DAB1: variants seen among roughly 807,000 people sequenced by gnomAD.
DAB1 encodes disabled homolog 1.
In DAB1, 15 loss-of-function variants were observed where a neutral mutation model predicts 64.6. The ratio of observed to expected loss-of-function variants is 0.23; its 90% CI spans 0.16 to 0.36. DAB1 has a LOEUF of 0.36. DAB1 is among the 10% of genes least tolerant of loss of function. DAB1 has a pLI of 1.00. For synonymous variants in DAB1, 235 were observed against 251.9 expected (o/e 0.93, Z 0.64); for missense variants, 596 against 706.7 (o/e 0.84, Z 1.78).
intron 2 of DAB1, among the ~76,000 whole-genome samples, chr1:57,186,838 C>A (rs1663614924): frequency 6.6e-6 from 1 of 152,138 alleles, no homozygotes; most frequent in African/African-American, 2.4e-5. Context: ...TATTCTGTGT[C>A]AATTTCTTAA....
At chr1:58,018,678 T>C (rs12024205) in intron 5 of DAB1, among the ~76,000 whole-genome samples, 10,680 of 152,250 alleles carry the variant, frequency 0.07, 597 homozygotes, top group East Asian at 0.2. Context: ...TAAATTCTTA[T>C]TAACCACTTT....
intron 4 of DAB1, among the ~76,000 whole-genome samples, chr1:57,084,902 A>G (rs935490829): frequency 2.0e-5 from 3 of 152,164 alleles, no homozygotes; most frequent in Non-Finnish European, 4.4e-5. Context: ...TCTGAGTACA[A>G]GGATCAATTG....
At chr1:57,660,195 T>G (rs1458229718) in intron 6 of DAB1, among the ~76,000 whole-genome samples, 2 of 151,732 alleles carry the variant, frequency 1.3e-5, no homozygotes, top group African/African-American at 2.4e-5. Flanking sequence ...AAAAGGAGAC[T>G]GAGTTTGCAT....
chr1:57,354,873 A>C (rs547961836), intron 1 of DAB1, among the ~76,000 whole-genome samples: 8 of 152,126 alleles, frequency 5.3e-5, no homozygotes, highest in Non-Finnish European at 8.8e-5. Flanking sequence ...ATATCCCATC[A>C]GGACTTCCAG....
At chr1:57,053,688 A>ATATATATATATATATTTT (rs1447741565) in intron 9 of DAB1, among the ~76,000 whole-genome samples, 2 of 71,422 alleles carry the variant, frequency 2.8e-5, no homozygotes, top group Admixed American at 2.3e-4. Flanking sequence ...ATATATATAT[A>ATATATATATATATATTTT]TTTTTTTTTT....
chr1:58,007,383 T>A (rs550674846), intron 5 of DAB1, among the ~76,000 whole-genome samples: 1 of 152,318 alleles, frequency 6.6e-6, no homozygotes, highest in East Asian at 1.9e-4. Context: ...ACATATAACA[T>A]CCTGCTAATT....
intron 7 of DAB1, among the ~76,000 whole-genome samples, chr1:57,483,145 T>C (rs555600768): frequency 6.6e-6 from 1 of 152,346 alleles, no homozygotes; most frequent in African/African-American, 2.4e-5. Flanking sequence ...TGTGCATTTC[T>C]TTTTTATATC....
chr1:58,130,652 G>A (rs1164770976), intron 5 of DAB1, among the ~76,000 whole-genome samples: 1 of 151,808 alleles, frequency 6.6e-6, no homozygotes, highest in African/African-American at 2.4e-5. Context: ...AGGCAGGCCT[G>A]GTGGTGACAA....
intron 3 of DAB1, among the ~76,000 whole-genome samples, chr1:58,400,256 G>C (rs1377732742): frequency 1.3e-5 from 2 of 151,520 alleles, no homozygotes; most frequent in African/African-American, 4.8e-5. Context: ...TAATACTCCT[G>C]AGTTTACATC....
intron 5 of DAB1, among the ~76,000 whole-genome samples, chr1:58,128,218 G>C (rs567222889): frequency 6.6e-6 from 1 of 151,370 alleles, no homozygotes; most frequent in African/African-American, 2.4e-5. Flanking sequence ...TCTCTTTGAC[G>C]CAATTGTGAA....
chr1:57,077,975 T>C (rs959164627), intron 4 of DAB1, among the ~76,000 whole-genome samples: 3 of 152,002 alleles, frequency 2.0e-5, no homozygotes, highest in Admixed American at 2.0e-4. Context: ...AATAGATACA[T>C]GAAAAAACAC....
At chr1:58,430,031 T>G (rs763229899) in intron 3 of DAB1, among the ~76,000 whole-genome samples, 1 of 152,192 alleles carries the variant, frequency 6.6e-6, no homozygotes, top group Non-Finnish European at 1.5e-5. Context: ...TGGCCTCTTA[T>G]ATAAGGGCAC....
At chr1:57,119,773 G>A (rs1363495316) in intron 4 of DAB1, among the ~76,000 whole-genome samples, 1 of 152,078 alleles carries the variant, frequency 6.6e-6, no homozygotes, top group African/African-American at 2.4e-5. Context: ...CATGTGGGCG[G>A]TTCCCTACAG....
At chr1:57,855,094 G>T (rs1435438445) in intron 1 of DAB1, among the ~76,000 whole-genome samples, 1 of 152,094 alleles carries the variant, frequency 6.6e-6, no homozygotes, top group South Asian at 2.1e-4. Context: ...CAGGAGACTG[G>T]ATTTTGATTG....
At chr1:57,079,065 GA>G (rs1557681110) in intron 4 of DAB1, among the ~76,000 whole-genome samples, 1 of 151,954 alleles carries the variant, frequency 6.6e-6, no homozygotes, top group Non-Finnish European at 1.5e-5. Flanking sequence ...CCTGTTGAGT[GA>G]AAAAAGCATA....
At chr1:57,383,594 C>T (rs950317163) in intron 1 of DAB1, among the ~76,000 whole-genome samples, 1 of 152,098 alleles carries the variant, frequency 6.6e-6, no homozygotes, top group Non-Finnish European at 1.5e-5. Flanking sequence ...AACAGAAAGC[C>T]AAGAAATAAA....
At chr1:57,355,511 G>A (rs2100875664) in intron 1 of DAB1, among the ~76,000 whole-genome samples, 1 of 152,138 alleles carries the variant, frequency 6.6e-6, no homozygotes, top group African/African-American at 2.4e-5. Context: ...TTAATATAGT[G>A]TGAGATAAAC....
At chr1:58,141,668 A>C (rs1654294085) in intron 5 of DAB1, among the ~76,000 whole-genome samples, 1 of 152,134 alleles carries the variant, frequency 6.6e-6, no homozygotes, top group African/African-American at 2.4e-5. Flanking sequence ...TGGGGATTAC[A>C]TTTCAACACG....
chr1:58,504,093 C>T (rs184473846), intron 3 of DAB1, among the ~76,000 whole-genome samples: 2 of 152,302 alleles, frequency 1.3e-5, no homozygotes, highest in African/African-American at 4.8e-5. Context: ...GTCTACTCCA[C>T]ACAATAATGC....
Sources: gnomAD v4.1 joint callset for allele counts (sites outside exome capture counted in the v4.1 genomes callset) on GRCh38, gnomAD v4.1.1 for gene constraint, MANE v1.5 for transcripts, NCBI Gene and HGNC (gene_info 2026-07-23, HGNC 2026-07-21) for gene names.